BRD1: variants seen among roughly 807,000 people sequenced by gnomAD.
BRD1 encodes the protein bromodomain-containing protein 1.
Under a neutral mutation model 107.7 loss-of-function variants are expected in BRD1, and 24 were observed. That is an observed-to-expected ratio of 0.22 (90% CI 0.16 to 0.31). The LOEUF is 0.31. Ranked by LOEUF, BRD1 falls within the 10% of genes least tolerant of loss-of-function variation. The probability of loss-of-function intolerance (pLI) is 1.00; values close to 1 mark genes in which losing one functional copy is unlikely to be tolerated. For synonymous variants in BRD1, 744 were observed against 686.1 expected (o/e 1.08, Z -1.32); for missense variants, 1,279 against 1,638.6 (o/e 0.78, Z 3.79).
intron 8 of BRD1, among the ~76,000 whole-genome samples, chr22:49,781,411 G>A (rs560869573): frequency 5.3e-5 from 8 of 152,350 alleles, no homozygotes; most frequent in African/African-American, 1.4e-4. Context: ...ACCTGGGGAG[G>A]CGGAGGCCTG....
chr22:49,809,821 C>T (rs2059816483), intron 2 of BRD1, among the ~76,000 whole-genome samples: 1 of 152,130 alleles, frequency 6.6e-6, no homozygotes, highest in African/African-American at 2.4e-5. Flanking sequence ...CCTCCAGGAG[C>T]TACAATGAGA....
intron 8 of BRD1, among the ~76,000 whole-genome samples, chr22:49,779,402 G>C (rs2059161288): frequency 6.6e-6 from 1 of 152,220 alleles, no homozygotes; most frequent in Admixed American, 6.5e-5. Flanking sequence ...GCTCAGAAGG[G>C]AATGCACAGA....
intron 2 of BRD1, among the ~76,000 whole-genome samples, chr22:49,804,708 G>C: frequency 6.6e-6 from 1 of 152,156 alleles, no homozygotes. Context: ...AATATTAGCT[G>C]AATGTGGAGG....
At chr22:49,786,158 A>G (rs931931583) in intron 8 of BRD1, among the ~76,000 whole-genome samples, 4 of 151,356 alleles carry the variant, frequency 2.6e-5, no homozygotes, top group East Asian at 3.9e-4. Context: ...TTATCTAGGT[A>G]TAACAGGCAG....
intron 8 of BRD1, among the ~76,000 whole-genome samples, chr22:49,784,998 G>A (rs2059295059): frequency 6.6e-6 from 1 of 152,232 alleles, no homozygotes; most frequent in Non-Finnish European, 1.5e-5. Context: ...AGGATCAGAG[G>A]GCACCATGAT....
chr22:49,816,549 G>A (rs192012214), intron 2 of BRD1, among the ~76,000 whole-genome samples: 256 of 152,280 alleles, frequency 1.7e-3, no homozygotes, highest in Non-Finnish European at 2.7e-3. Context: ...AAAAGTTCCA[G>A]AATAGTGACA....
At position 49,785,347 on chromosome 22, in the gene BRD1, G is replaced by A. The variant is rs60292577; in HGVS notation, c.2857+2043C>T. On this transcript the variant is annotated intron_variant, in intron 8 of 12. Transcript: ENST00000404760. ...GCCCCACGGCCGGCAGGGCCTCCAC[G>A]CACGCAGCCCCATACCTCTGCCGCC... Among the ~76,000 whole-genome samples, 1,295 of 152,344 alleles carry A rather than the reference G, an allele frequency of 8.5e-3. 17 individuals carry two copies. The highest frequency in any genetic ancestry group is 0.034 in the East Asian group (177 of 5,186).
chr22:49,817,985 C>A (rs1328090894), intron 2 of BRD1, among the ~76,000 whole-genome samples: 3 of 152,230 alleles, frequency 2.0e-5, no homozygotes, highest in African/African-American at 7.2e-5. Flanking sequence ...ACTTTTCTAA[C>A]AGCTCAAGTC....
intron 3 of BRD1, among the ~76,000 whole-genome samples, chr22:49,801,508 C>G (rs2059640277): frequency 6.6e-6 from 1 of 152,234 alleles, no homozygotes; most frequent in Non-Finnish European, 1.5e-5. Flanking sequence ...GTGGCCATCC[C>G]TGGCCAGGAG....
At position 49,777,090 on chromosome 22, in the gene BRD1, T is replaced by G; in HGVS notation, c.3065A>C (p.Glu1022Ala). ...VRRHTLEDRSELISCIENGNY... is the reference protein window; with the variant it reads ...VRRHTLEDRSALISCIENGNY... ...CCCATTCTCGATGCAGGAGATCAGC[T>G]CACTGCGGTCCTCCAGCGTGTGCCG... The change falls in exon 10 of 13, where the codon GAG becomes GCG. Residue 1022 changes from glutamate to alanine, a missense_variant. Physicochemically the swap from Glu to Ala is moderately radical, Grantham distance 107. Around this residue, in one of 7 missense-constraint regions of BRD1, gnomAD observed 263 missense variants for 251.6 expected, o/e 1.05. Coordinates refer to ENST00000404760, the MANE Select transcript of BRD1 (RefSeq NM_001304808.3). The G allele has an allele frequency of 1.2e-6, 2 of 1,613,362 alleles. No individual in the cohort carries two copies. The highest frequency in any genetic ancestry group is 2.2e-5 in the South Asian group (2 of 91,088).
intron 8 of BRD1, among the ~76,000 whole-genome samples, chr22:49,779,586 G>T (rs1396783515): frequency 1.3e-5 from 2 of 152,122 alleles, no homozygotes; most frequent in Admixed American, 1.3e-4. Flanking sequence ...TTTCTGGCAA[G>T]GGAACAAATA....
chr22:49,807,622 G>A lies in BRD1; in HGVS notation c.1368-3262C>T, dbSNP rs1232650870. 9.9e-5 allele frequency among the ~76,000 whole-genome samples: 15 copies of A among 152,204 alleles called. No homozygotes were observed. In the South Asian group the frequency reaches 2.3e-3, roughly 23 times the overall value. ...CACACACAAAAATTAACTCAAAATC[G>A]AAGACCTAGACATAAGACCTAAAAC... On this transcript the variant is annotated intron_variant, in intron 2 of 12. Transcript: ENST00000404760.
chr22:49,815,597 A>G (rs180972235), intron 2 of BRD1, among the ~76,000 whole-genome samples: 75 of 152,142 alleles, frequency 4.9e-4, no homozygotes, highest in Non-Finnish European at 9.9e-4. Context: ...CCATTTCTGT[A>G]GAGGAGAATC....
intron 2 of BRD1, among the ~76,000 whole-genome samples, chr22:49,808,341 C>T (rs1389116049): frequency 6.6e-6 from 1 of 152,208 alleles, no homozygotes; most frequent in African/African-American, 2.4e-5. Flanking sequence ...GTTATTCAGC[C>T]TTAAAAGGCA....
At chr22:49,822,301 T>A (rs1293654994) in intron 2 of BRD1, among the ~76,000 whole-genome samples, 1 of 152,064 alleles carries the variant, frequency 6.6e-6, no homozygotes, top group Non-Finnish European at 1.5e-5. Flanking sequence ...AGCACACGCC[T>A]GTAGTCCCAG....
rs1311735665 is a variant in BRD1, at chr22:49,803,919, C to T, written c.1524+285G>A. 1.3e-5 allele frequency among the ~76,000 whole-genome samples: 2 copies of T among 152,244 alleles called. No homozygotes were observed. Among genetic ancestry groups the T allele is most frequent in the African/African-American group, 4.8e-5 (2 of 41,458 alleles). On this transcript the variant is annotated intron_variant, in intron 3 of 12. Coordinates refer to ENST00000404760, the MANE Select transcript of BRD1 (RefSeq NM_001304808.3). This position sits in a 1 kb window ranked among gnomAD's most constrained non-coding sequence, Gnocchi z 4.4. Reference sequence around the variant, plus strand: ...CATCCCCAGTCCCCAGAGCTGGCCACTGCCCATCAGCGTGTGTGCGGGCAG... The same window carrying T: ...CATCCCCAGTCCCCAGAGCTGGCCATTGCCCATCAGCGTGTGTGCGGGCAG...
At chr22:49,796,185 G>A (rs1008618010) in intron 6 of BRD1, among the ~76,000 whole-genome samples, 1 of 151,770 alleles carries the variant, frequency 6.6e-6, no homozygotes, top group Non-Finnish European at 1.5e-5. Context: ...CCGCCTCCCG[G>A]ATTCACGCCA....
chr22:49,818,407 A>T (rs2059998470), intron 2 of BRD1: 1 of 1,117,380 alleles, frequency 8.9e-7, no homozygotes, highest in Non-Finnish European at 1.1e-6. Flanking sequence ...TAAACAGATT[A>T]TGCGTGTATT....
At chr22:49,775,938 G>A (rs947870596) in intron 11 of BRD1, 112 bp downstream of exon 11, 175 of 730,124 alleles carry the variant, frequency 2.4e-4, no homozygotes, top group East Asian at 5.2e-4. Context: ...CCGCCCCCCC[G>A]CCAGCTGTGG....
Sources: gnomAD v4.1 joint callset for allele counts (sites outside exome capture counted in the v4.1 genomes callset) on GRCh38, gnomAD v4.1.1 for gene constraint, gnomAD v4.1.1 regional missense constraint, Gnocchi (gnomAD v3.1) non-coding constraint, MANE v1.5 for transcripts, NCBI Gene and HGNC (gene_info 2026-07-23, HGNC 2026-07-21) for gene names.